Variants in FANCC observed in about 807,000 individuals in gnomAD.
FANCC encodes the protein Fanconi anemia group C protein.
FANCC carries 55 observed loss-of-function variants against 71.3 expected under a neutral mutation model. The observed-to-expected ratio is 0.77, with a 90% CI of 0.62 to 0.97. The LOEUF is 0.97. Ranked by LOEUF, FANCC falls within the 50% of genes least tolerant of loss-of-function variation. The probability of loss-of-function intolerance (pLI) is 0.00; values close to 1 mark genes in which losing one functional copy is unlikely to be tolerated. For missense variants in FANCC, 678 were observed against 670.9 expected (o/e 1.01, Z -0.12); for synonymous variants, 275 against 244.9 (o/e 1.12, Z -1.15).
chr9:95,194,320 T>C (rs1046103921), intron 4 of FANCC, among the ~76,000 whole-genome samples: 7 of 152,156 alleles, frequency 4.6e-5, no homozygotes, highest in Non-Finnish European at 7.4e-5. Context: ...TCCACCCCCA[T>C]GAATTTGAAG....
chr9:95,259,750 C>T (rs1017230211), intron 1 of FANCC, among the ~76,000 whole-genome samples: 1 of 152,124 alleles, frequency 6.6e-6, no homozygotes, highest in Non-Finnish European at 1.5e-5. Flanking sequence ...TTAGAGTGAA[C>T]GGGCAACCTA....
chr9:95,187,238 A>G (rs1213772454), intron 4 of FANCC, among the ~76,000 whole-genome samples: 1 of 152,148 alleles, frequency 6.6e-6, no homozygotes, highest in Non-Finnish European at 1.5e-5. Context: ...ATGCTGCTGT[A>G]TCTGAAGTCG....
At chr9:95,293,628 T>G in intron 1 of FANCC, 1 of 1,614,212 alleles carries the variant, frequency 6.2e-7, no homozygotes, top group Non-Finnish European at 8.5e-7. Flanking sequence ...TTCTGCACAG[T>G]GGGCCACCGC....
intron 6 of FANCC, among the ~76,000 whole-genome samples, chr9:95,151,840 G>A (rs1453233900): frequency 2.0e-5 from 3 of 151,116 alleles, no homozygotes; most frequent in Non-Finnish European, 4.4e-5. Context: ...AGGTGGGAGG[G>A]TTGCTTGAGC....
chr9:95,137,628 G>A (rs1827896699), intron 7 of FANCC, among the ~76,000 whole-genome samples: 1 of 152,172 alleles, frequency 6.6e-6, no homozygotes, highest in Non-Finnish European at 1.5e-5. Flanking sequence ...TGGATTTGGA[G>A]TGTCTGAGGC....
intron 6 of FANCC, among the ~76,000 whole-genome samples, chr9:95,155,330 GAA>G (rs1830409025): frequency 2.1e-5 from 1 of 47,896 alleles, no homozygotes. Flanking sequence ...GGGAGGGGAG[GAA>G]GGAAGGGAGG....
chr9:95,251,800 T>C (rs1831347093), intron 1 of FANCC, among the ~76,000 whole-genome samples: 2 of 152,228 alleles, frequency 1.3e-5, no homozygotes, highest in Non-Finnish European at 2.9e-5. Flanking sequence ...ATTTAATCAT[T>C]ACAGCAACAC....
chr9:95,127,696 T>C (rs1826215608), intron 8 of FANCC, among the ~76,000 whole-genome samples: 1 of 152,212 alleles, frequency 6.6e-6, no homozygotes, highest in Non-Finnish European at 1.5e-5. Context: ...TGGGAAACAC[T>C]GTTCACAGGC....
chr9:95,196,503 C>A (rs1827466297), intron 4 of FANCC, among the ~76,000 whole-genome samples: 1 of 152,114 alleles, frequency 6.6e-6, no homozygotes, highest in East Asian at 1.9e-4. Context: ...ATTTTGTTAT[C>A]CTGGCTCTTT....
intron 1 of FANCC, among the ~76,000 whole-genome samples, chr9:95,279,079 T>C (rs577647683): frequency 4.0e-5 from 6 of 151,662 alleles, no homozygotes; most frequent in African/African-American, 1.5e-4. Flanking sequence ...CTCTGGGAGG[T>C]GAAGGCAGGC....
At position 95,109,262 on chromosome 9, in the gene FANCC, A is replaced by C. The variant is rs146013418; in HGVS notation, c.1330-1993T>G. On this transcript the variant is annotated intron_variant, in intron 13 of 14. Coordinates refer to ENST00000289081, the MANE Select transcript of FANCC (RefSeq NM_000136.3). ...AACAGAATGCTATTCCATGGTTAGG[A>C]TATACCACACTTTATTTGGCCAGTA... 3.0e-4 allele frequency among the ~76,000 whole-genome samples: 45 copies of C among 152,258 alleles called. No individual in the cohort carries two copies. In the East Asian group the frequency reaches 5.8e-3, roughly 20 times the overall value.
intron 4 of FANCC, among the ~76,000 whole-genome samples, chr9:95,227,004 C>T (rs1475781566): frequency 6.6e-6 from 1 of 152,134 alleles, no homozygotes; most frequent in Non-Finnish European, 1.5e-5. Flanking sequence ...GACTGCAGTG[C>T]AGCTAAACTT....
intron 1 of FANCC, among the ~76,000 whole-genome samples, chr9:95,280,073 T>G (rs1027558915): frequency 2.0e-5 from 3 of 151,084 alleles, no homozygotes; most frequent in African/African-American, 4.9e-5. Context: ...ACAAACAGAT[T>G]GGAAGTAAAA....
chr9:95,265,082 TTAAGAAAAGTTCCAC>T (rs1220956635), intron 1 of FANCC, among the ~76,000 whole-genome samples: 1 of 152,092 alleles, frequency 6.6e-6, no homozygotes, highest in African/African-American at 2.4e-5. Context: ...CAATGAGGTT[TTAAGAAAAGTTCCAC>T]TAGGAGGAGC....
intron 4 of FANCC, among the ~76,000 whole-genome samples, chr9:95,191,297 C>A (rs994068217): frequency 3.3e-5 from 5 of 150,956 alleles, no homozygotes; most frequent in African/African-American, 1.2e-4. Flanking sequence ...CCAGCCCAGC[C>A]CAGCCCAGCC....
chr9:95,252,274 C>CAAAA (rs71366284), intron 1 of FANCC, among the ~76,000 whole-genome samples: 3 of 50,132 alleles, frequency 6.0e-5, no homozygotes, highest in Non-Finnish European at 7.2e-5. Flanking sequence ...GAGACTGATT[C>CAAAA]AAAAAAAAAA....
At chr9:95,295,355 CA>C (rs1188832455) in intron 1 of FANCC, among the ~76,000 whole-genome samples, 23 of 151,680 alleles carry the variant, frequency 1.5e-4, no homozygotes, top group Non-Finnish European at 3.4e-4. Context: ...CAAAACAAAA[CA>C]AAAAACAAAA....
intron 1 of FANCC, among the ~76,000 whole-genome samples, chr9:95,264,273 T>C (rs1205254372): frequency 6.6e-6 from 1 of 152,196 alleles, no homozygotes; most frequent in Non-Finnish European, 1.5e-5. Context: ...TGGCACATTG[T>C]AGGAGCATGA....
intron 7 of FANCC, among the ~76,000 whole-genome samples, chr9:95,146,749 G>A (rs1299952768): frequency 6.6e-6 from 1 of 151,890 alleles, no homozygotes; most frequent in African/African-American, 2.4e-5. Context: ...GTAACTTGGA[G>A]TCATGACTAC....
Sources: allele counts gnomAD v4.1 joint callset (sites outside exome capture counted in the v4.1 genomes callset), GRCh38; gene constraint gnomAD v4.1.1; transcripts MANE v1.5; gene names NCBI Gene and HGNC (gene_info 2026-07-23, HGNC 2026-07-21).